LLGL2: variants seen among roughly 807,000 people sequenced by gnomAD.
LLGL2 encodes LLGL scribble cell polarity complex component 2.
A neutral mutation model predicts 123.2 loss-of-function variants in LLGL2; 81 were observed. The ratio of observed to expected loss-of-function variants is 0.66; its 90% confidence interval spans 0.55 to 0.79. LLGL2 has a LOEUF of 0.79. Among genes scored for constraint, LLGL2 ranks in the 30% least tolerant of loss-of-function variants. LLGL2 has a pLI of 0.00. For synonymous variants in LLGL2, 577 were observed against 594.1 expected, an observed-to-expected ratio of 0.97 and a Z score of 0.42; for missense variants, 1,273 against 1,414.6, an observed-to-expected ratio of 0.90 and a Z score of 1.61.
Position 75,568,590 on chromosome 17 carries a change from G to C in LLGL2, c.1151G>C (p.Cys384Ser). The change falls in exon 11 of 26, where the codon TGT (cysteine) becomes TCT (serine). Residue 384 changes from cysteine to serine, a missense_variant. By Grantham distance (112) the Cys-to-Ser change is moderately radical (BLOSUM62 -1). Transcript: ENST00000392550. ...CTGCCCTACCTGGCTTCTCTGCACT[G>C]TTCCGCCATCACCTGCTCTCACCAC... ...VQLPYLASLHCSAITCSHHVS... is the reference protein window; with the variant it reads ...VQLPYLASLHSSAITCSHHVS... 1.2e-6 allele frequency: 2 copies of C among 1,613,948 alleles called. No individual in the cohort carries two copies. The highest frequency in any genetic ancestry group is 2.2e-5 in the South Asian group (2 of 91,086).
At chr17:75,570,307 C>T (rs777421701) in intron 15 of LLGL2, 41 bp from the exon 16 acceptor site, 7 of 1,607,250 alleles carry the variant, frequency 4.4e-6, no homozygotes, top group Non-Finnish European at 5.1e-6. Context: ...CGCGAGGACT[C>T]CCAGGACCTA....
chr17:75,573,913 G>T (rs1244033074), intron 21 of LLGL2, 39 bp from the exon 22 acceptor site: 1 of 1,549,852 alleles, frequency 6.5e-7, no homozygotes, highest in Non-Finnish European at 8.7e-7. Context: ...CGGGCAGGGA[G>T]CCCGGGGGCC....
intron 1 of LLGL2, among the ~76,000 whole-genome samples, chr17:75,532,081 T>TACACACACACACAC (rs1568015954): frequency 5.5e-3 from 162 of 29,428 alleles, no homozygotes; most frequent in African/African-American, 0.012. Context: ...CACACACTTT[T>TACACACACACACAC]TTTTTTTTTT....
chr17:75,525,567 GC>G (rs1353922741), upstream of LLGL2, among the ~76,000 whole-genome samples: 1 of 150,714 alleles, frequency 6.6e-6, no homozygotes, highest in Non-Finnish European at 1.5e-5. The surrounding 1 kb of genome is among the most constrained non-coding windows in gnomAD (Gnocchi z 4.8). Context: ...ATTGGCAGGA[GC>G]GCAGCCCCCA....
In LLGL2 at chr17:75,556,188, G is replaced by A. The variant is rs201480495; in HGVS notation, c.173+45G>A. 73 of 1,485,954 alleles carry A rather than the reference G, an allele frequency of 4.9e-5. No homozygotes were observed. The East Asian group carries it at 1.5e-3, about 31-fold the overall frequency. The allele number at this position is 1,485,954 out of a possible 1,614,324, so 92.0% of individuals were successfully genotyped here. ...TCCCACTCGGGCAGGGCCTTGGGGTGGGTGAGATTTGGGGAGGGACATCTT... is the reference window on the plus strand; with the variant it reads ...TCCCACTCGGGCAGGGCCTTGGGGTAGGTGAGATTTGGGGAGGGACATCTT... On this transcript the variant is annotated intron_variant, in intron 3 of 25. Transcript: ENST00000392550.
At chr17:75,535,561 C>T (rs1453243521) in intron 1 of LLGL2, among the ~76,000 whole-genome samples, 1 of 152,242 alleles carries the variant, frequency 6.6e-6, no homozygotes, top group African/African-American at 2.4e-5. Context: ...CTTGGCCAAG[C>T]CTTGGTCTCA....
rs754925688 is a variant in LLGL2, at chr17:75,571,035, C to T, written c.2111C>T (p.Ser704Leu). 1.2e-6 allele frequency: 2 copies of T among 1,612,984 alleles called. No individual in the cohort carries two copies. Among genetic ancestry groups the T allele is most frequent in the Non-Finnish European group, 8.5e-7 (1 of 1,179,944 alleles). Residue 704 changes from serine to leucine, a missense_variant, in exon 17 of 26, where the codon TCG becomes TTG. Coordinates refer to ENST00000392550, the MANE Select transcript of LLGL2 (RefSeq NM_001031803.2). The stretch of plus-strand genomic sequence containing the variant: ...GTGCAGCGCAAGATCGAGGCTCGCT[C>T]GGCAGAGGACTCCTTCACAGGCTTC... ...APVQRKIEAR[S>L]AEDSFTGFVR...
Position 75,559,156 on chromosome 17 carries a change from C to T in LLGL2, c.372-96C>T. On this transcript the variant is annotated intron_variant, in intron 5 of 25. Coordinates refer to ENST00000392550, the MANE Select transcript of LLGL2 (RefSeq NM_001031803.2). This position sits in a 1 kb window ranked among gnomAD's most constrained non-coding sequence, Gnocchi z 4.6. ...AAATGTTATGACCTCATTAAAGGGC[C>T]TTATGGGCTTGTTTTCCGAGGAGTC... is the stretch of plus-strand genomic sequence containing the variant. The T allele has an allele frequency of 1.5e-6, 2 of 1,313,500 alleles. No homozygotes were observed. The highest frequency in any genetic ancestry group is 2.0e-6 in the Non-Finnish European group (2 of 980,928). 81.4% of individuals were successfully genotyped at this position (1,313,500 alleles called of 1,614,324 possible).
At chr17:75,555,790 G>A (rs1262952155) in intron 2 of LLGL2, among the ~76,000 whole-genome samples, 1 of 152,222 alleles carries the variant, frequency 6.6e-6, no homozygotes, top group Non-Finnish European at 1.5e-5. Context: ...TTCCTGGAAA[G>A]CATTGAGAGG....
intron 3 of LLGL2, chr17:75,557,831 G>A (rs1042474202): frequency 4.0e-5 from 16 of 399,922 alleles, no homozygotes; most frequent in African/African-American, 1.9e-4. Flanking sequence ...GCTACCAAGC[G>A]ACAGCCAACA....
intron 21 of LLGL2, 73 bp downstream of exon 21, chr17:75,573,704 C>A: frequency 7.0e-7 from 1 of 1,432,552 alleles, no homozygotes; most frequent in Non-Finnish European, 9.4e-7. Context: ...CCGAGGCTCC[C>A]ACTGCTGCCT....
At chr17:75,574,374 C>T in intron 23 of LLGL2, 79 bp from the exon 24 acceptor site, 1 of 1,538,224 alleles carries the variant, frequency 6.5e-7, no homozygotes. Flanking sequence ...CATGGGCACC[C>T]ACGGAGAAAG....
chr17:75,552,070 A>C (rs1299697130), intron 2 of LLGL2, among the ~76,000 whole-genome samples: 1 of 151,806 alleles, frequency 6.6e-6, no homozygotes, highest in Non-Finnish European at 1.5e-5. Flanking sequence ...TGGAGGTTGC[A>C]GCGAGCTAAG....
intron 1 of LLGL2, among the ~76,000 whole-genome samples, chr17:75,528,372 C>T (rs2053649895): frequency 6.6e-6 from 1 of 152,182 alleles, no homozygotes; most frequent in African/African-American, 2.4e-5. Context: ...CTCTCAGCCT[C>T]CCAAAGTGCT....
At chr17:75,557,940 A>G (rs935348231) in intron 3 of LLGL2, 6 of 632,736 alleles carry the variant, frequency 9.5e-6, no homozygotes, top group Non-Finnish European at 1.7e-5. Context: ...ACTGGGAAAA[A>G]TCTCCCAGGG....
At chr17:75,545,030 G>A (rs2054362930) in intron 2 of LLGL2, among the ~76,000 whole-genome samples, 1 of 152,068 alleles carries the variant, frequency 6.6e-6, no homozygotes, top group South Asian at 2.1e-4. Flanking sequence ...AGGGAACTGA[G>A]TGACCCCCAT....
At chr17:75,542,363 C>T (rs2054247651) in intron 1 of LLGL2, among the ~76,000 whole-genome samples, 1 of 152,064 alleles carries the variant, frequency 6.6e-6, no homozygotes, top group Non-Finnish European at 1.5e-5. Context: ...GCACGCGCCT[C>T]CAGGGTGCGG....
chr17:75,555,987 G>A, intron 2 of LLGL2, 59 bp from the exon 3 acceptor site: 1 of 1,368,266 alleles, frequency 7.3e-7, no homozygotes, highest in African/African-American at 1.4e-5. Flanking sequence ...AGCTGCAGCA[G>A]CCATGGTGGC....
Position 75,574,996 on chromosome 17 carries a change from C to T in LLGL2, c.*118C>T, listed in dbSNP as rs972353700. 8.1e-5 allele frequency: 116 copies of T among 1,439,144 alleles called. No individual in the cohort carries two copies. The highest frequency in any genetic ancestry group is 1.7e-4 in the Admixed American group (10 of 59,668). 89.1% of individuals were successfully genotyped at this position (1,439,144 alleles called of 1,614,324 possible). Reference sequence around the variant, plus strand: ...GCCCCGCCAGGGGCTGGGGGCATCCCGGCTTCCACAATGCAGCTGCTCTGG... The same window carrying T: ...GCCCCGCCAGGGGCTGGGGGCATCCTGGCTTCCACAATGCAGCTGCTCTGG... On this transcript the variant is annotated 3_prime_UTR_variant, in exon 26 of 26. Transcript: ENST00000392550.
Sources: allele counts gnomAD v4.1 joint callset (sites outside exome capture counted in the v4.1 genomes callset), GRCh38; gene constraint gnomAD v4.1.1; non-coding constraint Gnocchi (gnomAD v3.1); transcripts MANE v1.5; gene names NCBI Gene and HGNC (gene_info 2026-07-23, HGNC 2026-07-21).